The following IFT140 variants were observed in gnomAD, a reference collection of about 807,000 sequenced individuals.
IFT140 encodes intraflagellar transport 140.
A neutral mutation model predicts 164.6 loss-of-function variants in IFT140; 133 were observed. That is an observed-to-expected ratio of 0.81 (90% CI 0.70 to 0.93). IFT140 has a LOEUF of 0.93. Among genes scored for constraint, IFT140 ranks in the 40% least tolerant of loss-of-function variants. The pLI is 0.00. For synonymous variants in IFT140, 860 were observed against 817.3 expected, an observed-to-expected ratio of 1.05 and a Z score of -0.89; for missense variants, 2,045 against 1,972.3, an observed-to-expected ratio of 1.04 and a Z score of -0.70.
At chr16:1,544,479 C>CCAGCTGGATCACTGCATTTCTTT (rs1555483573) in intron 19 of IFT140, among the ~76,000 whole-genome samples, 1 of 150,744 alleles carries the variant, frequency 6.6e-6, no homozygotes, top group Non-Finnish European at 1.5e-5. Flanking sequence ...GCCACCGCGC[C>CCAGCTGGATCACTGCATTTCTTT]TGGCCACGCC....
intron 14 of IFT140, among the ~76,000 whole-genome samples, chr16:1,569,757 AT>A (rs57236076): frequency 3.9e-4 from 57 of 145,960 alleles, no homozygotes; most frequent in Non-Finnish European, 3.2e-4. Flanking sequence ...TGCCTGGCTA[AT>A]TTTTTTTTTT....
intron 19 of IFT140, among the ~76,000 whole-genome samples, chr16:1,547,439 G>A (rs1279819966): frequency 2.0e-5 from 3 of 152,156 alleles, no homozygotes; most frequent in Non-Finnish European, 2.9e-5. Context: ...AATCTTGCTC[G>A]CTGGTGAGAA....
In IFT140 at chr16:1,573,739, G is replaced by A. The variant is rs183723758; in HGVS notation, c.1525-2205C>T. Among the ~76,000 whole-genome samples the A allele has an allele frequency of 1.6e-4, 25 of 152,328 alleles. 1 individual carries two copies. Among genetic ancestry groups the A allele is most frequent in the Admixed American group, 1.4e-3 (21 of 15,300 alleles). On this transcript the variant is annotated intron_variant, in intron 13 of 30. Transcript: ENST00000426508. ...CCAGCTCTGCTGGTGGCTGCTGCCT[G>A]GGGCCAGGCTGAGCTGCTCTCCTGC...
At position 1,551,678 on chromosome 16, in the gene IFT140, T is replaced by C. The variant is rs1167295094; in HGVS notation, c.2399+6257A>G. On this transcript the variant is annotated intron_variant, in intron 19 of 30. Coordinates refer to ENST00000426508, the MANE Select transcript of IFT140 (RefSeq NM_014714.4). This position sits in a 1 kb window ranked among gnomAD's most constrained non-coding sequence, Gnocchi z 4.0. ...CGAACCCAACTTCAGGACATGCTTG[T>C]TCACGGAAGAGCCTAAGATCAGCGG... 6.6e-6 allele frequency among the ~76,000 whole-genome samples: 1 copy of C among 152,188 alleles called. No homozygotes were observed. The highest frequency in any genetic ancestry group is 2.4e-5 in the African/African-American group (1 of 41,444).
chr16:1,514,799 T>TA (rs2040294534), intron 30 of IFT140: 1 of 152,194 alleles, frequency 6.6e-6, no homozygotes. Flanking sequence ...AGATCAATCC[T>TA]ACATGACCCA....
At chr16:1,575,743 A>G (rs1327385477) in intron 13 of IFT140, among the ~76,000 whole-genome samples, 4 of 150,810 alleles carry the variant, frequency 2.7e-5, no homozygotes, top group African/African-American at 9.8e-5. Flanking sequence ...CTCTCCCAGC[A>G]GGCCATTCAC....
rs2141879622 is a variant in IFT140, at chr16:1,589,510, G to C, written c.810+95C>G. 4 of 1,298,202 alleles carry C rather than the reference G, an allele frequency of 3.1e-6. No individual in the cohort carries two copies. In the Admixed American group the frequency reaches 8.1e-5, roughly 26 times the overall value. The allele number at this position is 1,298,202 out of a possible 1,614,324, so 80.4% of individuals were successfully genotyped here. ...AACTCAGTTGATAGGCTTTTTTTCA[G>C]TCTTGCTATCCAGAAGAGAAAGGGC... is the stretch of plus-strand genomic sequence containing the variant. On this transcript the variant is annotated intron_variant, in intron 7 of 30. Transcript: ENST00000426508.
At position 1,607,153 on chromosome 16, in the gene IFT140, G is replaced by A. The variant is rs778405983; in HGVS notation, c.114C>T (p.Thr38=). The change falls in exon 3 of 31, where the codon ACC becomes ACT. Residue 38 remains threonine (T), a synonymous_variant. Transcript: ENST00000426508. Reference sequence around the variant, plus strand: ...GGTAAATATCCACGCTGCCTGTTGAGGTTGTGCTGATGTAAGCAACTGCCA... The same window carrying A: ...GGTAAATATCCACGCTGCCTGTTGAAGTTGTGCTGATGTAAGCAACTGCCA... ...PFLAVAYIST[T]STGSVDIYLE... is the part of the protein sequence containing the mutation. The A allele has an allele frequency of 6.2e-7, 1 of 1,614,160 alleles. No individual in the cohort carries two copies. Among genetic ancestry groups the A allele is most frequent in the Non-Finnish European group, 8.5e-7 (1 of 1,180,006 alleles).
intron 13 of IFT140, chr16:1,577,329 T>A (rs1285583295): frequency 6.6e-6 from 1 of 152,202 alleles, no homozygotes; most frequent in Non-Finnish European, 1.5e-5. Context: ...TCCTCATGAT[T>A]TCTTAGTAGC....
intron 3 of IFT140, among the ~76,000 whole-genome samples, chr16:1,606,255 G>A (rs140747535): frequency 6.6e-6 from 1 of 152,382 alleles, no homozygotes; most frequent in East Asian, 1.9e-4. Context: ...GACAGAGGAA[G>A]ATGCCTCAGG....
chr16:1,562,250 G>T, intron 17 of IFT140, 134 bp from the exon 18 acceptor site: 1 of 685,670 alleles, frequency 1.5e-6, no homozygotes, highest in Non-Finnish European at 2.2e-6. Flanking sequence ...GGTGGGGTCG[G>T]GTGCTTTGCT....
At chr16:1,585,947 T>A (rs2034850856) in intron 10 of IFT140, among the ~76,000 whole-genome samples, 183 bp downstream of exon 10, 1 of 151,954 alleles carries the variant, frequency 6.6e-6, no homozygotes, top group Admixed American at 6.6e-5. Context: ...ATTTTTTGTA[T>A]TTTTTAGTAG....
chr16:1,520,021 G>T lies in IFT140; in HGVS notation c.3900C>A (p.Tyr1300Ter). 1.2e-6 allele frequency: 2 copies of T among 1,600,496 alleles called. No homozygotes were observed. The highest frequency in any genetic ancestry group is 8.5e-7 in the Non-Finnish European group (1 of 1,173,430). The change falls in exon 29 of 31, where the codon TAC becomes TAA. Residue 1300 changes from tyrosine to a stop codon, truncating the protein, a stop_gained. Transcript: ENST00000426508. LOFTEE classifies it high-confidence loss of function. ...CGGTCAGCGCCCCGTGGGCTTTGTCGTAGTTCTGGTATTCATCAATCTCCA... is the reference window on the plus strand; with the variant it reads ...CGGTCAGCGCCCCGTGGGCTTTGTCTTAGTTCTGGTATTCATCAATCTCCA... ...AQVEIDEYQN[Y>*]DKAHGALTEA...
chr16:1,546,221 C>G (rs746496637), intron 19 of IFT140, among the ~76,000 whole-genome samples: 10 of 152,194 alleles, frequency 6.6e-5, no homozygotes, highest in African/African-American at 9.7e-5. Flanking sequence ...ACAGCATGAC[C>G]CTGGCACCTG....
At chr16:1,571,656 A>G in intron 13 of IFT140, 122 bp from the exon 14 acceptor site, 1 of 1,094,502 alleles carries the variant, frequency 9.1e-7, no homozygotes. Context: ...TTGTTCACAG[A>G]TAACCTTGTA....
chr16:1,521,924 A>T (rs2040539261), intron 26 of IFT140, among the ~76,000 whole-genome samples: 1 of 150,748 alleles, frequency 6.6e-6, no homozygotes, highest in Non-Finnish European at 1.5e-5. Flanking sequence ...ATTTAAAAAA[A>T]AAAAAAAAAA....
At chr16:1,578,872 C>G (rs1395411617) in intron 13 of IFT140, among the ~76,000 whole-genome samples, 1 of 151,912 alleles carries the variant, frequency 6.6e-6, no homozygotes, top group Non-Finnish European at 1.5e-5. Context: ...CCACCACACT[C>G]AGCCAATTTT....
At chr16:1,520,450 GTA>G in intron 27 of IFT140, 107 bp from the exon 28 acceptor site, 2 of 1,368,294 alleles carry the variant, frequency 1.5e-6, no homozygotes. Flanking sequence ...GGGCTGCCCG[GTA>G]GAGAGAGATC....
intron 1 of IFT140, 149 bp from the exon 2 acceptor site, chr16:1,611,002 C>T (rs905051775): frequency 1.3e-5 from 2 of 152,456 alleles, no homozygotes; most frequent in Admixed American, 1.3e-4. Context: ...TCCCGTGCAT[C>T]CCGAGGCGGA....
Sources: allele counts gnomAD v4.1 joint callset (sites outside exome capture counted in the v4.1 genomes callset), GRCh38; gene constraint gnomAD v4.1.1; non-coding constraint Gnocchi (gnomAD v3.1); transcripts MANE v1.5; gene names NCBI Gene and HGNC (gene_info 2026-07-23, HGNC 2026-07-21).